Variants in NXPH2 observed in about 807,000 individuals in gnomAD.
The protein encoded by NXPH2 is neurexophilin 2.
NXPH2 carries 5 observed loss-of-function variants against 19.8 expected under a neutral mutation model. The observed-to-expected ratio is 0.25, with a 90% CI of 0.13 to 0.53. The LOEUF (loss-of-function observed/expected upper bound fraction) is 0.53. Ranked by LOEUF, NXPH2 falls within the 20% of genes least tolerant of loss-of-function variation. The pLI is 0.96. For synonymous variants in NXPH2, 154 were observed against 127.4 expected (o/e 1.21, Z -1.41); for missense variants, 289 against 322.8 (o/e 0.90, Z 0.80).
chr2:138,722,346 A>C (rs1681294626), intron 1 of NXPH2, among the ~76,000 whole-genome samples: 1 of 152,220 alleles, frequency 6.6e-6, no homozygotes, highest in Non-Finnish European at 1.5e-5. Context: ...AAAACAGCAA[A>C]TGCAAATGCC....
intron 1 of NXPH2, among the ~76,000 whole-genome samples, chr2:138,755,429 A>G (rs1367016594): frequency 6.6e-6 from 1 of 152,148 alleles, no homozygotes; most frequent in African/African-American, 2.4e-5. Context: ...AAAAGGCTAT[A>G]CTTTCTCCAT....
At chr2:138,758,720 T>A (rs1681953826) in intron 1 of NXPH2, among the ~76,000 whole-genome samples, 1 of 152,198 alleles carries the variant, frequency 6.6e-6, no homozygotes, top group Admixed American at 6.5e-5. Context: ...GTGGATCTTG[T>A]CCCTGACTGG....
At chr2:138,765,464 T>C (rs1573982931) in intron 1 of NXPH2, among the ~76,000 whole-genome samples, 1 of 152,198 alleles carries the variant, frequency 6.6e-6, no homozygotes, top group South Asian at 2.1e-4. Flanking sequence ...GCAACTCTCA[T>C]AGGGTACCTT....
In NXPH2 at chr2:138,725,235, C is replaced by T. The variant is rs7593652; in HGVS notation, c.52-53570G>A. ...GTGCAGTTATTGAAGTAATTCATTA[C>T]AAATATTTACAAAGTGGTTGATGTT... On this transcript the variant is annotated intron_variant, in intron 1 of 1. Coordinates refer to ENST00000272641, the MANE Select transcript of NXPH2 (RefSeq NM_007226.3). Among the ~76,000 whole-genome samples, 1,109 of 152,264 alleles carry T rather than the reference C, an allele frequency of 7.3e-3. 9 individuals are homozygous for T. The highest frequency in any genetic ancestry group is 0.024 in the African/African-American group (1,014 of 41,560).
At chr2:138,766,528 C>T (rs922434930) in intron 1 of NXPH2, among the ~76,000 whole-genome samples, 1 of 152,116 alleles carries the variant, frequency 6.6e-6, no homozygotes, top group Non-Finnish European at 1.5e-5. Flanking sequence ...CAGGATGGCT[C>T]CCAACAACGA....
chr2:138,733,693 T>A (rs1162337525), intron 1 of NXPH2, among the ~76,000 whole-genome samples: 1 of 152,176 alleles, frequency 6.6e-6, no homozygotes, highest in Non-Finnish European at 1.5e-5. Context: ...TTCGGCTGCA[T>A]TATAAGTACA....
chr2:138,674,239 C>T (rs1680453706), intron 1 of NXPH2, among the ~76,000 whole-genome samples: 1 of 151,988 alleles, frequency 6.6e-6, no homozygotes, highest in African/African-American at 2.4e-5. Context: ...CTACAATCTC[C>T]ACCTCCAGGG....
chr2:138,693,402 T>G (rs1031714607), intron 1 of NXPH2, among the ~76,000 whole-genome samples: 1 of 152,126 alleles, frequency 6.6e-6, no homozygotes, highest in Non-Finnish European at 1.5e-5. Context: ...TGTTCTGCCA[T>G]GTGAGCCATC....
chr2:138,729,758 A>G (rs534830264), intron 1 of NXPH2, among the ~76,000 whole-genome samples: 7 of 152,252 alleles, frequency 4.6e-5, no homozygotes, highest in African/African-American at 1.7e-4. Flanking sequence ...AGCTCCTTCC[A>G]ACATGCTGCA....
At chr2:138,677,667 C>A (rs1680504282) in intron 1 of NXPH2, among the ~76,000 whole-genome samples, 1 of 152,120 alleles carries the variant, frequency 6.6e-6, no homozygotes, top group South Asian at 2.1e-4. Context: ...TCCCAAGAGG[C>A]AGAGAAGCTG....
intron 1 of NXPH2, among the ~76,000 whole-genome samples, chr2:138,679,276 A>G (rs2104968058): frequency 6.6e-6 from 1 of 152,380 alleles, no homozygotes; most frequent in East Asian, 1.9e-4. Context: ...AGATACACTA[A>G]GAGAAGAGAT....
intron 1 of NXPH2, among the ~76,000 whole-genome samples, chr2:138,679,421 G>T (rs1680537249): frequency 7.2e-6 from 1 of 138,642 alleles, no homozygotes; most frequent in Admixed American, 7.3e-5. Flanking sequence ...TTTTTTTTGA[G>T]ACGGAGTCTC....
intron 1 of NXPH2, among the ~76,000 whole-genome samples, chr2:138,773,668 G>A (rs1368562632): frequency 2.0e-5 from 3 of 152,042 alleles, no homozygotes; most frequent in Non-Finnish European, 4.4e-5. Context: ...AAATTGATAA[G>A]ATTTAAAAAT....
At chr2:138,687,180 A>G (rs1194348472) in intron 1 of NXPH2, among the ~76,000 whole-genome samples, 9 of 152,032 alleles carry the variant, frequency 5.9e-5, no homozygotes, top group Admixed American at 4.6e-4. Flanking sequence ...CAGTGTAAAA[A>G]TGTTCCTATT....
At chr2:138,750,362 C>T (rs1202814721) in intron 1 of NXPH2, among the ~76,000 whole-genome samples, 1 of 151,936 alleles carries the variant, frequency 6.6e-6, no homozygotes, top group Non-Finnish European at 1.5e-5. Context: ...AATACATAGT[C>T]CAAATATACA....
intron 1 of NXPH2, among the ~76,000 whole-genome samples, chr2:138,684,123 A>T (rs568967347): frequency 6.6e-6 from 1 of 152,190 alleles, no homozygotes; most frequent in African/African-American, 2.4e-5. Context: ...AAATAACCTC[A>T]TTTGATTCTT....
At chr2:138,740,625 A>T (rs1465613480) in intron 1 of NXPH2, among the ~76,000 whole-genome samples, 1 of 152,196 alleles carries the variant, frequency 6.6e-6, no homozygotes, top group Non-Finnish European at 1.5e-5. Flanking sequence ...GGCAATTCTG[A>T]GGATGCCATA....
At chr2:138,767,944 C>T (rs1682117315) in intron 1 of NXPH2, among the ~76,000 whole-genome samples, 1 of 152,088 alleles carries the variant, frequency 6.6e-6, no homozygotes, top group South Asian at 2.1e-4. Flanking sequence ...ATTTCCATGG[C>T]TATACCTTGT....
intron 1 of NXPH2, among the ~76,000 whole-genome samples, chr2:138,713,339 T>C (rs1218311499): frequency 6.6e-6 from 1 of 152,158 alleles, no homozygotes; most frequent in Non-Finnish European, 1.5e-5. Flanking sequence ...AAGAGGGACC[T>C]TTGTACGTTG....
Sources: allele counts gnomAD v4.1 joint callset (sites outside exome capture counted in the v4.1 genomes callset), GRCh38; gene constraint gnomAD v4.1.1; transcripts MANE v1.5; gene names NCBI Gene and HGNC (gene_info 2026-07-23, HGNC 2026-07-21).